RSU1: variants seen among roughly 807,000 people sequenced by gnomAD.
RSU1 encodes rsu-1.
A neutral mutation model predicts 31.1 loss-of-function variants in RSU1; 26 were observed. The observed-to-expected ratio is 0.84, with a 90% CI of 0.61 to 1.16. The LOEUF (loss-of-function observed/expected upper bound fraction) is 1.16. Among genes scored for constraint, RSU1 ranks in the 50% most tolerant of loss-of-function variants. RSU1 has a pLI of 0.00. For synonymous variants in RSU1, 164 were observed against 136.3 expected, an observed-to-expected ratio of 1.20 and a Z score of -1.41; for missense variants, 320 against 339.1, an observed-to-expected ratio of 0.94 and a Z score of 0.44.
At chr10:16,814,760 C>G (rs901754421) in intron 2 of RSU1, among the ~76,000 whole-genome samples, 1 of 152,206 alleles carries the variant, frequency 6.6e-6, no homozygotes, top group Non-Finnish European at 1.5e-5. Flanking sequence ...TTAGCTACTT[C>G]TTTAGGAAAA....
At chr10:16,778,018 C>CTTTTTT (rs10685188) in intron 3 of RSU1, among the ~76,000 whole-genome samples, 11 of 117,656 alleles carry the variant, frequency 9.3e-5, no homozygotes, top group African/African-American at 3.5e-4. Context: ...GGTCATATAC[C>CTTTTTT]TTTTTTTTTT....
intron 2 of RSU1, among the ~76,000 whole-genome samples, chr10:16,812,865 C>T (rs989340882): frequency 1.3e-5 from 2 of 152,116 alleles, no homozygotes; most frequent in African/African-American, 2.4e-5. Flanking sequence ...GATTACAGGG[C>T]CCTTCAAAAT....
intron 8 of RSU1, among the ~76,000 whole-genome samples, chr10:16,633,240 G>C (rs1378615218): frequency 1.3e-5 from 2 of 152,132 alleles, no homozygotes; most frequent in Admixed American, 6.5e-5. Flanking sequence ...CTGTGGCTGG[G>C]AGTCATTGCT....
intron 8 of RSU1, among the ~76,000 whole-genome samples, chr10:16,599,779 G>A (rs946829275): frequency 1.3e-5 from 2 of 152,218 alleles, no homozygotes; most frequent in African/African-American, 4.8e-5. Context: ...CTTGCAGGCT[G>A]CTGCCATGCC....
At chr10:16,622,334 T>G (rs1006977655) in intron 8 of RSU1, among the ~76,000 whole-genome samples, 2 of 152,184 alleles carry the variant, frequency 1.3e-5, no homozygotes, top group African/African-American at 4.8e-5. Flanking sequence ...CAAGGTTTCT[T>G]TTTCTGAAGA....
At chr10:16,738,766 C>A (rs765302144) in intron 7 of RSU1, among the ~76,000 whole-genome samples, 1 of 152,146 alleles carries the variant, frequency 6.6e-6, no homozygotes, top group African/African-American at 2.4e-5. Flanking sequence ...TACATATACA[C>A]GTACCATGGT....
At chr10:16,701,013 G>C (rs1349234766) in intron 7 of RSU1, among the ~76,000 whole-genome samples, 3 of 152,140 alleles carry the variant, frequency 2.0e-5, no homozygotes, top group Non-Finnish European at 4.4e-5. Context: ...ATAATATTAA[G>C]TTTTTAAGGT....
At chr10:16,716,753 G>A (rs1188801781) in intron 7 of RSU1, among the ~76,000 whole-genome samples, 1 of 152,164 alleles carries the variant, frequency 6.6e-6, no homozygotes, top group Non-Finnish European at 1.5e-5. Flanking sequence ...TTTCAGAGAA[G>A]TTTGGAGGGT....
chr10:16,777,780 G>A (rs928191012), intron 3 of RSU1, among the ~76,000 whole-genome samples: 1 of 152,204 alleles, frequency 6.6e-6, no homozygotes, highest in African/African-American at 2.4e-5. Flanking sequence ...TCAGCTGACA[G>A]TGGCTTGAAA....
rs2248852 is a variant in RSU1 at position 16,817,401 on chromosome 10, G to A, written c.-90C>T. The A allele has an allele frequency of 1.3e-5, 4 of 306,890 alleles. No homozygotes were observed. The highest frequency in any genetic ancestry group is 3.8e-5 in the South Asian group (1 of 26,254). The allele number at this position is 306,890 out of a possible 1,614,324, so 19.0% of individuals were successfully genotyped here. On this transcript the variant is annotated 5_prime_UTR_variant, in exon 1 of 9. Transcript: ENST00000345264. ...AGCTGCCCTCACTCCCTGCAACACC[G>A]GCACTGAACAGCGAACACGCCCTGT... is the stretch of plus-strand genomic sequence containing the variant.
rs149766633 is a variant in RSU1, at chr10:16,619,546, G to C, written c.732-26050C>G. 5.3e-5 allele frequency among the ~76,000 whole-genome samples: 8 copies of C among 152,340 alleles called. No individual in the cohort carries two copies. In the East Asian group the frequency reaches 1.5e-3, roughly 29 times the overall value. On this transcript the variant is annotated intron_variant, in intron 8 of 8. Coordinates refer to ENST00000345264, the MANE Select transcript of RSU1 (RefSeq NM_012425.4). ...TCAACTGTCCTGCTTCCCATCAGTA[G>C]GTATCTTCACTGGGTTCCCTAAGGA... is the stretch of plus-strand genomic sequence containing the variant.
At chr10:16,802,244 T>C (rs1006614343) in intron 2 of RSU1, among the ~76,000 whole-genome samples, 14 of 148,984 alleles carry the variant, frequency 9.4e-5, no homozygotes, top group Non-Finnish European at 1.8e-4. Context: ...AGAAGGGCCA[T>C]TACTACTGAT....
At chr10:16,810,602 G>A (rs1838388110) in intron 2 of RSU1, among the ~76,000 whole-genome samples, 1 of 152,110 alleles carries the variant, frequency 6.6e-6, no homozygotes, top group Non-Finnish European at 1.5e-5. Context: ...TAAGGCAGTG[G>A]GTGTGCTGGT....
At chr10:16,792,711 C>T (rs1837951320) in intron 2 of RSU1, among the ~76,000 whole-genome samples, 1 of 152,204 alleles carries the variant, frequency 6.6e-6, no homozygotes, top group Non-Finnish European at 1.5e-5. Context: ...CAGAGACAGC[C>T]ACGTTAATGC....
chr10:16,653,153 A>G (rs1834716879), intron 8 of RSU1, among the ~76,000 whole-genome samples: 1 of 152,222 alleles, frequency 6.6e-6, no homozygotes, highest in African/African-American at 2.4e-5. Context: ...TCATGAGGCA[A>G]GCAAAGAAAG....
At chr10:16,706,662 G>A (rs1588482515) in intron 7 of RSU1, among the ~76,000 whole-genome samples, 1 of 152,104 alleles carries the variant, frequency 6.6e-6, no homozygotes, top group African/African-American at 2.4e-5. Flanking sequence ...ACCTATCTAT[G>A]CTATATAATT....
At position 16,764,448 on chromosome 10, in the gene RSU1, T is replaced by A; in HGVS notation, c.223A>T (p.Ile75Phe). Residue 75 changes from isoleucine to phenylalanine, a missense_variant, in exon 4 of 9, where the codon ATC becomes TTC. By Grantham distance (21) the Ile-to-Phe change is conservative. Coordinates refer to ENST00000345264, the MANE Select transcript of RSU1 (RefSeq NM_012425.4). ...CTGATCTGTGTGGGCAGCTCCTCGATTTGGTTATTAAAAAAGTTGAGCACC... is the reference window on the plus strand; with the variant it reads ...CTGATCTGTGTGGGCAGCTCCTCGAATTGGTTATTAAAAAAGTTGAGCACC... ...LEVLNFFNNQ[I>F]EELPTQISSL... 1 of 1,614,018 alleles carries A rather than the reference T, an allele frequency of 6.2e-7. No individual in the cohort carries two copies. Among genetic ancestry groups the A allele is most frequent in the Non-Finnish European group, 8.5e-7 (1 of 1,179,976 alleles).
chr10:16,781,655 T>C (rs1056581253), intron 3 of RSU1, among the ~76,000 whole-genome samples: 4 of 152,156 alleles, frequency 2.6e-5, no homozygotes, highest in African/African-American at 9.7e-5. Flanking sequence ...AGAGCAACAA[T>C]GTCATTTTTT....
intron 7 of RSU1, among the ~76,000 whole-genome samples, chr10:16,729,509 T>C (rs1259040776): frequency 6.6e-6 from 1 of 152,088 alleles, no homozygotes; most frequent in Non-Finnish European, 1.5e-5. Flanking sequence ...GAAGGTTAAC[T>C]GTATGCTAGA....
Sources: allele counts gnomAD v4.1 joint callset (sites outside exome capture counted in the v4.1 genomes callset), GRCh38; gene constraint gnomAD v4.1.1; transcripts MANE v1.5; gene names NCBI Gene and HGNC (gene_info 2026-07-23, HGNC 2026-07-21).